KCNIP4: variants seen among roughly 807,000 people sequenced by gnomAD.
KCNIP4 encodes Kv channel-interacting protein 4.
Under a neutral mutation model 34.0 loss-of-function variants are expected in KCNIP4, and 12 were observed. The observed-to-expected ratio is 0.35, with a 90% CI of 0.23 to 0.57. KCNIP4 has a LOEUF of 0.57. Among genes scored for constraint, KCNIP4 ranks in the 20% least tolerant of loss-of-function variants. The pLI, the probability that KCNIP4 is intolerant of heterozygous loss-of-function variation, is 0.83. For synonymous variants in KCNIP4, 124 were observed against 102.2 expected, an observed-to-expected ratio of 1.21 and a Z score of -1.29; for missense variants, 238 against 311.7, an observed-to-expected ratio of 0.76 and a Z score of 1.78.
At chr4:21,280,125 G>T (rs911886533) in intron 1 of KCNIP4, among the ~76,000 whole-genome samples, 7 of 151,906 alleles carry the variant, frequency 4.6e-5, no homozygotes, top group Non-Finnish European at 8.8e-5. Flanking sequence ...CCATTCTTTT[G>T]TCGGCCTATG....
chr4:21,886,033 T>A (rs1726745264), intron 1 of KCNIP4, among the ~76,000 whole-genome samples: 1 of 152,116 alleles, frequency 6.6e-6, no homozygotes, highest in Non-Finnish European at 1.5e-5. Flanking sequence ...TTGTGGATTA[T>A]TTTTTCTTAC....
intron 1 of KCNIP4, among the ~76,000 whole-genome samples, chr4:20,914,139 A>C (rs1268212252): frequency 6.6e-6 from 1 of 152,096 alleles, no homozygotes; most frequent in East Asian, 1.9e-4. Flanking sequence ...CTTGGGCAAT[A>C]AGAGCGAAAC....
At chr4:21,824,136 G>C (rs1024071520) in intron 1 of KCNIP4, among the ~76,000 whole-genome samples, 14 of 152,088 alleles carry the variant, frequency 9.2e-5, no homozygotes, top group Admixed American at 8.5e-4. Flanking sequence ...TGATCTAACG[G>C]ACTCCATCTT....
chr4:21,032,313 T>C (rs1190917525), intron 1 of KCNIP4, among the ~76,000 whole-genome samples: 1 of 151,984 alleles, frequency 6.6e-6, no homozygotes, highest in Non-Finnish European at 1.5e-5. Flanking sequence ...CCAATGGGGG[T>C]GTTGTCTGGA....
chr4:21,086,922 C>CTT (rs1746487882), intron 1 of KCNIP4, among the ~76,000 whole-genome samples: 1 of 150,224 alleles, frequency 6.7e-6, no homozygotes, highest in Non-Finnish European at 1.5e-5. Context: ...TCCCTCTTTC[C>CTT]CTTTCCTTCT....
At chr4:20,739,965 AT>A (rs1229661556) in intron 5 of KCNIP4, among the ~76,000 whole-genome samples, 2 of 152,180 alleles carry the variant, frequency 1.3e-5, no homozygotes, top group African/African-American at 4.8e-5. Context: ...TTCAGTAGCC[AT>A]TTTGATCAAG....
chr4:21,787,395 A>G (rs1045834960), intron 1 of KCNIP4, among the ~76,000 whole-genome samples: 1 of 152,062 alleles, frequency 6.6e-6, no homozygotes, highest in Non-Finnish European at 1.5e-5. Flanking sequence ...CAGCTGAAAC[A>G]CCTCCTCCTC....
intron 2 of KCNIP4, among the ~76,000 whole-genome samples, chr4:20,876,947 G>T (rs1036567686): frequency 6.6e-6 from 1 of 152,134 alleles, no homozygotes; most frequent in Non-Finnish European, 1.5e-5. Context: ...AGGAATTGTC[G>T]CTGATCCTGT....
intron 1 of KCNIP4, among the ~76,000 whole-genome samples, chr4:21,137,647 C>A (rs546530736): frequency 6.6e-6 from 1 of 152,014 alleles, no homozygotes; most frequent in African/African-American, 2.4e-5. Flanking sequence ...ATCTGCTCAA[C>A]AGGTATAACA....
intron 3 of KCNIP4, among the ~76,000 whole-genome samples, chr4:20,799,918 G>A (rs1441333874): frequency 6.6e-6 from 1 of 152,174 alleles, no homozygotes; most frequent in Non-Finnish European, 1.5e-5. Flanking sequence ...AGCCTCCTGG[G>A]TTTAAGCTGC....
intron 1 of KCNIP4, among the ~76,000 whole-genome samples, chr4:21,905,274 A>C (rs1186253777): frequency 6.6e-6 from 1 of 152,118 alleles, no homozygotes; most frequent in Non-Finnish European, 1.5e-5. Flanking sequence ...TGTCTCTTAA[A>C]GCAAGGTTAC....
intron 1 of KCNIP4, among the ~76,000 whole-genome samples, chr4:21,221,739 G>A (rs1002569391): frequency 3.3e-5 from 5 of 152,072 alleles, no homozygotes; most frequent in Admixed American, 6.6e-5. Flanking sequence ...AGGCTGGAAT[G>A]AAATAAAAAG....
intron 1 of KCNIP4, among the ~76,000 whole-genome samples, chr4:20,991,717 C>A (rs1737097229): frequency 6.6e-6 from 1 of 152,182 alleles, no homozygotes; most frequent in Non-Finnish European, 1.5e-5. Flanking sequence ...TTTTCTCAGC[C>A]ACAGCTTCAG....
chr4:21,329,908 C>T (rs1172358034), intron 1 of KCNIP4, among the ~76,000 whole-genome samples: 1 of 152,034 alleles, frequency 6.6e-6, no homozygotes. Flanking sequence ...TCAGGTCTAC[C>T]AGCTTGTCAG....
At chr4:21,386,603 T>C (rs1370853928) in intron 1 of KCNIP4, among the ~76,000 whole-genome samples, 1 of 152,220 alleles carries the variant, frequency 6.6e-6, no homozygotes, top group African/African-American at 2.4e-5. Context: ...ACACCAAGGC[T>C]GCAATGAACA....
At chr4:21,646,187 C>T (rs557961628) in intron 1 of KCNIP4, among the ~76,000 whole-genome samples, 1 of 152,282 alleles carries the variant, frequency 6.6e-6, no homozygotes, top group Admixed American at 6.5e-5. Context: ...TATTATCCTC[C>T]ACTTGGCCTT....
At chr4:20,738,708 A>G (rs748958132) in intron 5 of KCNIP4, among the ~76,000 whole-genome samples, 24 of 152,162 alleles carry the variant, frequency 1.6e-4, no homozygotes, top group Non-Finnish European at 2.2e-4. Flanking sequence ...TGCATTTCCA[A>G]CTGAGGTACC....
rs1714034356 is a variant in KCNIP4, at chr4:21,714,785, G to GATTATTTTATTTT, written c.61+233773_61+233785dup. Among the ~76,000 whole-genome samples, 37 of 43,372 alleles carry GATTATTTTATTTT rather than the reference G, an allele frequency of 8.5e-4. 11 individuals carry two copies. Among genetic ancestry groups the GATTATTTTATTTT allele is most frequent in the Admixed American group, 3.5e-3 (10 of 2,860 alleles). 28.5% of individuals were successfully genotyped at this position (43,372 alleles called of 152,430 possible). On this transcript the variant is annotated intron_variant, in intron 1 of 8. Transcript: ENST00000382152. The stretch of plus-strand genomic sequence containing the variant: ...AAGAATGTGTTAGTAATTTCCCTTT[G>GATTATTTTATTTT]ATTATTTTATTTTATTTTATTTTAT...
At chr4:21,460,874 C>A (rs559489042) in intron 1 of KCNIP4, among the ~76,000 whole-genome samples, 1 of 152,030 alleles carries the variant, frequency 6.6e-6, no homozygotes, top group East Asian at 1.9e-4. Context: ...GGGATGTATC[C>A]TTTAGACCCC....
Sources: gnomAD v4.1 joint callset for allele counts (sites outside exome capture counted in the v4.1 genomes callset) on GRCh38, gnomAD v4.1.1 for gene constraint, MANE v1.5 for transcripts, NCBI Gene and HGNC (gene_info 2026-07-23, HGNC 2026-07-21) for gene names.